DENND1A: variants seen among roughly 807,000 people sequenced by gnomAD.
DENND1A encodes DENN domain-containing protein 1A.
DENND1A carries 51 observed loss-of-function variants against 113.7 expected under a neutral mutation model. The ratio of observed to expected loss-of-function variants is 0.45; its 90% CI spans 0.36 to 0.57. The LOEUF is 0.57. Among genes scored for constraint, DENND1A ranks in the 20% least tolerant of loss-of-function variants. The pLI, the probability that DENND1A is intolerant of heterozygous loss-of-function variation, is 0.00. For missense variants in DENND1A, 1,258 were observed against 1,395.9 expected, an observed-to-expected ratio of 0.90 and a Z score of 1.57; for synonymous variants, 565 against 570.8, an observed-to-expected ratio of 0.99 and a Z score of 0.14.
At chr9:123,759,001 C>G (rs951565764) in intron 4 of DENND1A, among the ~76,000 whole-genome samples, 31 of 152,092 alleles carry the variant, frequency 2.0e-4, no homozygotes, top group Non-Finnish European at 3.8e-4. Flanking sequence ...CGGGGTTTCT[C>G]CATGTTAGCC....
chr9:123,779,689 G>A (rs112728567), intron 3 of DENND1A, among the ~76,000 whole-genome samples: 1,577 of 152,000 alleles, frequency 0.01, 31 homozygotes, highest in African/African-American at 0.035. Flanking sequence ...TGGTAGAGGT[G>A]GGGTTTTGCC....
intron 21 of DENND1A, among the ~76,000 whole-genome samples, chr9:123,392,630 T>A (rs1274141289): frequency 6.6e-6 from 1 of 152,170 alleles, no homozygotes; most frequent in African/African-American, 2.4e-5. Flanking sequence ...CTTGGAAAAG[T>A]CACTTCATCT....
intron 2 of DENND1A, among the ~76,000 whole-genome samples, chr9:123,876,033 T>A (rs554921114): frequency 6.6e-6 from 1 of 152,332 alleles, no homozygotes; most frequent in Non-Finnish European, 1.5e-5. Context: ...TTTATGTACT[T>A]TTTCACAAAT....
intron 1 of DENND1A, among the ~76,000 whole-genome samples, chr9:123,910,867 T>C (rs1588203093): frequency 6.6e-6 from 1 of 152,158 alleles, no homozygotes; most frequent in Admixed American, 6.5e-5. Context: ...CACTTGAACC[T>C]GGGAGGCAGA....
intron 8 of DENND1A, among the ~76,000 whole-genome samples, chr9:123,662,022 C>T (rs2063263488): frequency 6.6e-6 from 1 of 151,986 alleles, no homozygotes; most frequent in Non-Finnish European, 1.5e-5. Context: ...CATGAGTTTC[C>T]ATATTAAATG....
chr9:123,666,182 G>A (rs2063483772), intron 8 of DENND1A, among the ~76,000 whole-genome samples: 1 of 152,202 alleles, frequency 6.6e-6, no homozygotes, highest in Admixed American at 6.5e-5. Context: ...ACTTAAAAAT[G>A]ATTAACATGG....
Position 123,381,506 on chromosome 9 carries a change from T to C in DENND1A, c.3139A>G (p.Ser1047Gly), listed in dbSNP as rs754188975. The change falls in exon 24 of 24, where the codon AGC becomes GGC. Residue 1047 changes from serine (S) to glycine (G), a missense_variant. Ser to Gly is a moderately conservative substitution (Grantham distance 56). Transcript: ENST00000394215. The surrounding 1 kb of genome is among the most constrained non-coding windows in gnomAD (Gnocchi z 4.7). The part of the protein sequence containing the change: ...DLLQKTKQDV[S>G]PSPALAPAPD... ...GCCGGGGCCAGGGCCGGACTCGGGC[T>C]CACGTCTTGCTTGGTTTTCTGTAAC... 2 of 1,613,372 alleles carry C rather than the reference T, an allele frequency of 1.2e-6. No individual in the cohort carries two copies. Among genetic ancestry groups the C allele is most frequent in the East Asian group, 4.5e-5 (2 of 44,822 alleles).
chr9:123,495,760 T>C (rs1057178322), intron 13 of DENND1A, among the ~76,000 whole-genome samples: 13 of 152,238 alleles, frequency 8.5e-5, no homozygotes, highest in Admixed American at 7.2e-4. Flanking sequence ...GCTATCTTCA[T>C]GGCCCATGAC....
chr9:123,789,754 T>C (rs1832723889), intron 3 of DENND1A, among the ~76,000 whole-genome samples: 1 of 152,194 alleles, frequency 6.6e-6, no homozygotes, highest in Non-Finnish European at 1.5e-5. Flanking sequence ...GTCATCATTA[T>C]TCAGTCACAG....
chr9:123,717,999 G>A lies in DENND1A; in HGVS notation c.302+39704C>T, dbSNP rs545456787. 1.2e-4 allele frequency among the ~76,000 whole-genome samples: 18 copies of A among 152,328 alleles called. No homozygotes were observed. In the South Asian group the frequency reaches 3.7e-3, roughly 32 times the overall value. Reference sequence around the variant, plus strand: ...CATAAGCCCACAGAAGTCACAGTCAGCTCCTGTTTTCTGGGAAACTAGCTG... The same window carrying A: ...CATAAGCCCACAGAAGTCACAGTCAACTCCTGTTTTCTGGGAAACTAGCTG... On this transcript the variant is annotated intron_variant, in intron 5 of 23. Coordinates refer to ENST00000394215, the MANE Select transcript of DENND1A (RefSeq NM_001352964.2).
chr9:123,841,778 A>G (rs1283839999), intron 2 of DENND1A, among the ~76,000 whole-genome samples: 1 of 152,186 alleles, frequency 6.6e-6, no homozygotes, highest in African/African-American at 2.4e-5. Flanking sequence ...GTTTTTAAAG[A>G]TATTTAGGTA....
chr9:123,551,072 G>A (rs908636297), intron 13 of DENND1A, among the ~76,000 whole-genome samples: 1 of 152,204 alleles, frequency 6.6e-6, no homozygotes, highest in Non-Finnish European at 1.5e-5. Context: ...CTCTGGATGG[G>A]GCTGCCTGGC....
intron 8 of DENND1A, among the ~76,000 whole-genome samples, chr9:123,659,093 C>T (rs904520925): frequency 1.3e-5 from 2 of 152,208 alleles, no homozygotes; most frequent in Admixed American, 6.5e-5. Flanking sequence ...AAACAGTGCC[C>T]GATCTGATCC....
intron 13 of DENND1A, among the ~76,000 whole-genome samples, chr9:123,495,801 A>C (rs2051860077): frequency 6.6e-6 from 1 of 152,242 alleles, no homozygotes; most frequent in South Asian, 2.1e-4. Context: ...CAAGTATTTT[A>C]AAGCACTATT....
intron 13 of DENND1A, among the ~76,000 whole-genome samples, chr9:123,466,263 C>T (rs1181664954): frequency 6.6e-6 from 1 of 152,108 alleles, no homozygotes; most frequent in African/African-American, 2.4e-5. Context: ...TCCCAAAATG[C>T]TGGGATTACA....
chr9:123,488,397 A>C (rs1231161793), intron 13 of DENND1A, among the ~76,000 whole-genome samples: 1 of 152,272 alleles, frequency 6.6e-6, no homozygotes, highest in Non-Finnish European at 1.5e-5. Flanking sequence ...TTCCAAATGC[A>C]AAAGACACCA....
At chr9:123,589,595 G>C (rs1227537287) in intron 11 of DENND1A, among the ~76,000 whole-genome samples, 2 of 123,774 alleles carry the variant, frequency 1.6e-5, no homozygotes. Flanking sequence ...CAAAGCTCCT[G>C]CCAGCTGCAA....
intron 9 of DENND1A, among the ~76,000 whole-genome samples, chr9:123,641,576 C>A (rs2062029239): frequency 6.6e-6 from 1 of 152,096 alleles, no homozygotes; most frequent in Non-Finnish European, 1.5e-5. Flanking sequence ...TCTAGACTAG[C>A]CAAGGCCCCA....
intron 8 of DENND1A, among the ~76,000 whole-genome samples, chr9:123,663,916 G>T (rs1161665260): frequency 6.6e-6 from 1 of 151,780 alleles, no homozygotes; most frequent in Non-Finnish European, 1.5e-5. Context: ...AGTGTAAGCA[G>T]TGGAAACTAA....
Sources: gnomAD v4.1 joint callset for allele counts (sites outside exome capture counted in the v4.1 genomes callset) on GRCh38, gnomAD v4.1.1 for gene constraint, Gnocchi (gnomAD v3.1) non-coding constraint, MANE v1.5 for transcripts, NCBI Gene and HGNC (gene_info 2026-07-23, HGNC 2026-07-21) for gene names.